The following AREL1 variants were observed in gnomAD, a reference collection of about 807,000 sequenced individuals.
AREL1 encodes the protein apoptosis-resistant E3 ubiquitin protein ligase 1.
AREL1 carries 62 observed loss-of-function variants against 99.0 expected under a neutral mutation model. The observed-to-expected ratio is 0.63, with a 90% CI of 0.51 to 0.77. AREL1 has a LOEUF of 0.77. AREL1 is among the 30% of genes least tolerant of loss of function. The pLI is 0.00. For missense variants in AREL1, 879 were observed against 1,027.6 expected, an observed-to-expected ratio of 0.86 and a Z score of 1.98; for synonymous variants, 380 against 376.5, an observed-to-expected ratio of 1.01 and a Z score of -0.11.
rs778594901 is a variant in AREL1, at chr14:74,669,673, A to G, written c.1890T>C (p.Tyr630=). The change falls in exon 15 of 20, where the codon TAT becomes TAC. Residue 630 remains tyrosine, a synonymous_variant. Coordinates refer to ENST00000356357, the MANE Select transcript of AREL1 (RefSeq NM_001039479.2). ...EMELVFAEEK[Y]NKSGQLDKVV... is the part of the protein sequence containing the mutation. ...CCTTATCCAATTGACCTGATTTATT[A>G]TATTTCTCTTCTGCAAAGACCAGCT... 3.1e-6 allele frequency: 5 copies of G among 1,614,122 alleles called. No individual in the cohort carries two copies. Among genetic ancestry groups the G allele is most frequent in the Admixed American group, 3.3e-5 (2 of 60,024 alleles).
At chr14:74,684,381 G>A in intron 4 of AREL1, 73 bp downstream of exon 4, 2 of 1,338,032 alleles carry the variant, frequency 1.5e-6, no homozygotes, top group Non-Finnish European at 2.1e-6. Context: ...AACATTCCAG[G>A]CCAGCACCTG....
At chr14:74,672,779 C>T (rs2089379270) in intron 11 of AREL1, 52 bp downstream of exon 11, 1 of 1,610,836 alleles carries the variant, frequency 6.2e-7, no homozygotes, top group East Asian at 2.2e-5. Flanking sequence ...AGAATATAGA[C>T]ATTCAATTGG....
chr14:74,699,750 T>C (rs552457058), intron 1 of AREL1, among the ~76,000 whole-genome samples: 1 of 152,340 alleles, frequency 6.6e-6, no homozygotes, highest in East Asian at 1.9e-4. Context: ...AGGAGAAGTT[T>C]CCAAGAACCT....
chr14:74,663,726 C>T lies in AREL1; in HGVS notation c.2466G>A (p.Met822Ile), dbSNP rs750961800. The change falls in exon 20 of 20, where the codon ATG becomes ATA. Residue 822 changes from methionine to isoleucine, a missense_variant. Physicochemically the swap from Met to Ile is conservative, Grantham distance 10. Coordinates refer to ENST00000356357, the MANE Select transcript of AREL1 (RefSeq NM_001039479.2). ...AISEGCEGFG[M>I]L The stretch of plus-strand genomic sequence containing the variant: ...CTGGATGACAGGAGAGTGGTCAGAG[C>T]ATGCCAAAGCCCTCGCAACCCTCGC... 1 of 1,613,730 alleles carries T rather than the reference C, an allele frequency of 6.2e-7. No individual in the cohort carries two copies. Among genetic ancestry groups the T allele is most frequent in the African/African-American group, 1.3e-5 (1 of 74,922 alleles).
intron 17 of AREL1, among the ~76,000 whole-genome samples, chr14:74,666,939 C>T (rs927313219): frequency 1.3e-5 from 2 of 151,952 alleles, no homozygotes; most frequent in African/African-American, 4.8e-5. Flanking sequence ...AGGCTGGTCT[C>T]GAACTCCTGA....
In AREL1 at chr14:74,684,583, G is replaced by C; in HGVS notation, c.114C>G (p.Arg38=). ...RVVSFLQNED[R]ERRGDRTIYD... ...AAATAGTCCGGTCCCCTCGGCGCTC[G>C]CGGTCCTCATTCTGGAGGAAGCTGA... Residue 38 remains arginine, a synonymous_variant, in exon 4 of 20, where the codon CGC becomes CGG. Transcript: ENST00000356357. The C allele has an allele frequency of 1.2e-6, 2 of 1,614,162 alleles. No individual in the cohort carries two copies. The highest frequency in any genetic ancestry group is 1.7e-6 in the Non-Finnish European group (2 of 1,180,022).
chr14:74,695,072 C>CT (rs1248011436), intron 1 of AREL1, among the ~76,000 whole-genome samples: 2,692 of 126,070 alleles, frequency 0.021, 78 homozygotes, highest in African/African-American at 0.054. Context: ...TTCTTTCCTT[C>CT]TTTTTTTTTT....
intron 11 of AREL1, among the ~76,000 whole-genome samples, chr14:74,672,358 TAGTATATCTGTCTTTTATA>T (rs113093756): frequency 1.8e-4 from 27 of 152,334 alleles, no homozygotes; most frequent in Middle Eastern, 6.8e-3. Context: ...TTCAGAAATT[TAGTATATCTGTCTTTTATA>T]AGTATATCTG....
intron 1 of AREL1, among the ~76,000 whole-genome samples, chr14:74,704,237 C>G (rs2090136143): frequency 6.6e-6 from 1 of 152,090 alleles, no homozygotes; most frequent in African/African-American, 2.4e-5. Context: ...CCCCGAATAT[C>G]TGAGACAGGT....
rs970587487 is a variant in AREL1, at chr14:74,662,398, C to T, written c.*1322G>A. The T allele has an allele frequency of 2.5e-5, 10 of 393,202 alleles. No homozygotes were observed. The Admixed American group carries it at 3.1e-4, about 12-fold the overall frequency. 24.4% of individuals were successfully genotyped at this position (393,202 alleles called of 1,614,324 possible). On this transcript the variant is annotated 3_prime_UTR_variant, in exon 20 of 20. Coordinates refer to ENST00000356357, the MANE Select transcript of AREL1 (RefSeq NM_001039479.2). ...CTGCCCCATTGGGAATGGTAGCTTG[C>T]AGCAAAGCCTTCTTAAAAACACAAA...
intron 1 of AREL1, among the ~76,000 whole-genome samples, chr14:74,699,511 C>T (rs1286349013): frequency 1.3e-5 from 2 of 152,098 alleles, no homozygotes; most frequent in African/African-American, 2.4e-5. Context: ...CACCCTCAAC[C>T]GTGGACTGGA....
At position 74,675,712 on chromosome 14, in the gene AREL1, T is replaced by C. The variant is rs781145383; in HGVS notation, c.1067A>G (p.Tyr356Cys). ...GGAAGGTCCAACCTTTGGTGACACA[T>C]AGCAGTACACCTTCTTCGGTTTCTT... is the stretch of plus-strand genomic sequence containing the variant. ...KVKKPKKVYC[Y>C]VSPKQFSVKE... The change falls in exon 8 of 20, where the codon TAT (tyrosine) becomes TGT (cysteine). Residue 356 changes from tyrosine to cysteine, a missense_variant. Coordinates refer to ENST00000356357, the MANE Select transcript of AREL1 (RefSeq NM_001039479.2). The C allele has an allele frequency of 1.1e-5, 17 of 1,613,974 alleles. No homozygotes were observed. Among genetic ancestry groups the C allele is most frequent in the South Asian group, 5.5e-5 (5 of 91,084 alleles).
chr14:74,701,081 A>C (rs1436609996), intron 1 of AREL1, among the ~76,000 whole-genome samples: 1 of 152,108 alleles, frequency 6.6e-6, no homozygotes, highest in Non-Finnish European at 1.5e-5. Context: ...CTTAGGGTGC[A>C]AGTTGGGAGC....
At chr14:74,665,473 A>G (rs79070663) in intron 17 of AREL1, among the ~76,000 whole-genome samples, 4,492 of 152,146 alleles carry the variant, frequency 0.03, 145 homozygotes, top group African/African-American at 0.079. Flanking sequence ...ACACACACAC[A>G]AACTGTTTCC....
chr14:74,694,988 C>T (rs2089954434), intron 1 of AREL1, among the ~76,000 whole-genome samples: 1 of 85,050 alleles, frequency 1.2e-5, no homozygotes, highest in Non-Finnish European at 2.1e-5. Flanking sequence ...GACTCTGTCT[C>T]GGAAAAAAAA....
intron 1 of AREL1, among the ~76,000 whole-genome samples, chr14:74,710,128 C>T (rs986346958): frequency 6.6e-6 from 1 of 152,202 alleles, no homozygotes; most frequent in East Asian, 1.9e-4. Flanking sequence ...AGCTTCGCAT[C>T]CCCCACTTTC....
intron 2 of AREL1, among the ~76,000 whole-genome samples, chr14:74,687,102 G>C (rs1280182876): frequency 6.6e-6 from 1 of 152,162 alleles, no homozygotes; most frequent in Non-Finnish European, 1.5e-5. Context: ...AACTGCCTTA[G>C]GTACTTCCTC....
chr14:74,672,853 C>T lies in AREL1; in HGVS notation c.1400G>A (p.Ser467Asn), dbSNP rs769248036. The change falls in exon 11 of 20, where the codon AGC becomes AAC. Residue 467 changes from serine (S) to asparagine (N), a missense_variant. By Grantham distance (46) the Ser-to-Asn change is conservative (BLOSUM62 1). Coordinates refer to ENST00000356357, the MANE Select transcript of AREL1 (RefSeq NM_001039479.2). ...TACCGATTCCAACAAGGCATGTCTG[C>T]TGACCTTCAGGGTGACTTTGGAATG... ...RPHSKVTLKV[S>N]RHALLESSLK... 1.9e-6 allele frequency: 3 copies of T among 1,614,216 alleles called. No individual in the cohort carries two copies. The highest frequency in any genetic ancestry group is 2.5e-6 in the Non-Finnish European group (3 of 1,180,022).
At chr14:74,673,794 C>T (rs2089411437) in intron 9 of AREL1, among the ~76,000 whole-genome samples, 1 of 152,252 alleles carries the variant, frequency 6.6e-6, no homozygotes, top group African/African-American at 2.4e-5. Flanking sequence ...CAAAGGATCA[C>T]TGTTGAAGTA....
Sources: gnomAD v4.1 joint callset for allele counts (sites outside exome capture counted in the v4.1 genomes callset) on GRCh38, gnomAD v4.1.1 for gene constraint, MANE v1.5 for transcripts, NCBI Gene and HGNC (gene_info 2026-07-23, HGNC 2026-07-21) for gene names.